CACNB4: variants seen among roughly 807,000 people sequenced by gnomAD.
CACNB4 encodes voltage-dependent L-type calcium channel subunit beta-4.
CACNB4 carries 32 observed loss-of-function variants against 71.2 expected under a neutral mutation model. The observed-to-expected ratio is 0.45, with a 90% CI of 0.34 to 0.60. The LOEUF (loss-of-function observed/expected upper bound fraction) is 0.60, where lower values mean the gene tolerates loss of function less well. Ranked by LOEUF, CACNB4 falls within the 20% of genes least tolerant of loss-of-function variation. The pLI, the probability that CACNB4 is intolerant of heterozygous loss-of-function variation, is 0.01. For synonymous variants in CACNB4, 231 were observed against 236.9 expected (o/e 0.97, Z 0.23); for missense variants, 464 against 647.9 (o/e 0.72, Z 3.08).
intron 2 of CACNB4, among the ~76,000 whole-genome samples, chr2:151,892,717 T>C (rs2151481315): frequency 6.6e-6 from 1 of 152,324 alleles, no homozygotes; most frequent in African/African-American, 2.4e-5. Flanking sequence ...ACCAGTTTTG[T>C]GGTCCTCAGA....
chr2:151,947,457 C>T (rs547129107), intron 2 of CACNB4, among the ~76,000 whole-genome samples: 4 of 152,190 alleles, frequency 2.6e-5, no homozygotes, highest in East Asian at 1.9e-4. Flanking sequence ...GAGTGGGGGA[C>T]GGGATTCTAT....
At chr2:152,009,543 T>A (rs1579119949) in intron 2 of CACNB4, among the ~76,000 whole-genome samples, 1 of 152,340 alleles carries the variant, frequency 6.6e-6, no homozygotes, top group East Asian at 1.9e-4. Flanking sequence ...GAACTCTCTG[T>A]ACCACTGTCA....
chr2:151,887,563 G>T (rs2099849671), intron 2 of CACNB4, among the ~76,000 whole-genome samples: 2 of 152,162 alleles, frequency 1.3e-5, no homozygotes, highest in South Asian at 4.1e-4. Context: ...GAGAAGGAAG[G>T]TGATCTCAAG....
chr2:152,092,156 G>C (rs968348558), intron 2 of CACNB4, among the ~76,000 whole-genome samples: 21 of 152,136 alleles, frequency 1.4e-4, no homozygotes, highest in African/African-American at 4.8e-4. Flanking sequence ...TTGGGCCTAT[G>C]TTTTATTCAT....
intron 2 of CACNB4, among the ~76,000 whole-genome samples, chr2:152,062,206 C>T (rs1027555933): frequency 2.9e-4 from 44 of 151,760 alleles, no homozygotes; most frequent in Admixed American, 2.8e-3. Context: ...TAAACACATG[C>T]TAATACATGG....
chr2:151,857,115 A>G (rs1398772653), intron 10 of CACNB4: 2 of 151,348 alleles, frequency 1.3e-5, no homozygotes, highest in Non-Finnish European at 2.9e-5. Flanking sequence ...TATAAATTCA[A>G]GTTCACATAG....
intron 2 of CACNB4, among the ~76,000 whole-genome samples, chr2:152,005,806 T>A (rs1682689977): frequency 6.6e-6 from 1 of 152,236 alleles, no homozygotes; most frequent in Non-Finnish European, 1.5e-5. Context: ...CACAACCATT[T>A]CGGGCAAGTT....
chr2:152,002,589 C>T (rs1436379880), intron 2 of CACNB4, among the ~76,000 whole-genome samples: 2 of 152,162 alleles, frequency 1.3e-5, no homozygotes, highest in African/African-American at 4.8e-5. Flanking sequence ...TAATTGTTGC[C>T]TTGGTCAAGT....
intron 2 of CACNB4, among the ~76,000 whole-genome samples, chr2:151,951,767 C>T (rs984379240): frequency 1.3e-5 from 2 of 152,184 alleles, no homozygotes; most frequent in African/African-American, 2.4e-5. Context: ...AAAAGACTAA[C>T]GAGGAAGCTG....
At chr2:151,867,929 C>T (rs1159762658) in intron 9 of CACNB4, 1 of 152,182 alleles carries the variant, frequency 6.6e-6, no homozygotes, top group African/African-American at 2.4e-5. Context: ...AATAAGCTTC[C>T]ATTGTGTTTG....
rs116317827 is a variant in CACNB4 at position 151,928,572 on chromosome 2, C to G, written c.148-45202G>C. On this transcript the variant is annotated intron_variant, in intron 2 of 13. Coordinates refer to ENST00000539935, the MANE Select transcript of CACNB4 (RefSeq NM_000726.5). The stretch of plus-strand genomic sequence containing the variant: ...GCCCAAGTAGTCAGAAAGGTAGTTG[C>G]GAAATCAAGCTGTGGATATGCAATC... 8.8e-3 allele frequency among the ~76,000 whole-genome samples: 1,333 copies of G among 152,198 alleles called. 14 individuals are homozygous for G. The highest frequency in any genetic ancestry group is 0.03 in the African/African-American group (1,248 of 41,512).
chr2:151,958,308 A>G lies in CACNB4; in HGVS notation c.148-74938T>C, dbSNP rs116940752. On this transcript the variant is annotated intron_variant, in intron 2 of 13. Transcript: ENST00000539935. ...ATATGAGGATAGGTACAGGCCCGGAACAGATAGAGCCATAACCGATTATTT... is the reference window on the plus strand; with the variant it reads ...ATATGAGGATAGGTACAGGCCCGGAGCAGATAGAGCCATAACCGATTATTT... Among the ~76,000 whole-genome samples the G allele has an allele frequency of 1.3e-4, 20 of 152,332 alleles. No individual in the cohort carries two copies. In the East Asian group the frequency reaches 3.9e-3, roughly 29 times the overall value.
At chr2:151,917,110 AC>A (rs542477504) in intron 2 of CACNB4, among the ~76,000 whole-genome samples, 196 of 152,358 alleles carry the variant, frequency 1.3e-3, no homozygotes, top group Non-Finnish European at 2.3e-3. Context: ...TTCCTTTAAA[AC>A]AAATGCTTCA....
chr2:151,974,076 C>T (rs1039403664), intron 2 of CACNB4: 5 of 541,284 alleles, frequency 9.2e-6, no homozygotes, highest in African/African-American at 2.0e-5. Flanking sequence ...AGCATCCTAC[C>T]CAGCAAAGAG....
intron 2 of CACNB4, chr2:151,973,857 T>C: frequency 6.8e-7 from 1 of 1,475,956 alleles, no homozygotes; most frequent in South Asian, 1.4e-5. Flanking sequence ...GGCAAGATGC[T>C]ATTCATTCAC....
intron 2 of CACNB4, among the ~76,000 whole-genome samples, chr2:151,933,950 C>T (rs1013603660): frequency 1.3e-5 from 2 of 152,182 alleles, no homozygotes; most frequent in African/African-American, 4.8e-5. Flanking sequence ...GCTATAGAAT[C>T]AGAAGCCTGA....
chr2:151,850,186 C>A (rs1394735209), intron 12 of CACNB4: 2 of 138,862 alleles, frequency 1.4e-5, no homozygotes, highest in African/African-American at 5.7e-5. Context: ...GCTCTGTCAC[C>A]CAGGCTGGAG....
intron 5 of CACNB4, 79 bp from the exon 6 acceptor site, chr2:151,872,572 G>T: frequency 1.3e-6 from 1 of 767,172 alleles, no homozygotes; most frequent in Non-Finnish European, 2.2e-6. Context: ...AGCTTTCTTT[G>T]GCCCTCATCC....
At chr2:152,015,291 C>T (rs1033490345) in intron 2 of CACNB4, among the ~76,000 whole-genome samples, 2 of 152,178 alleles carry the variant, frequency 1.3e-5, no homozygotes, top group Non-Finnish European at 2.9e-5. Context: ...CGCCACCATG[C>T]CCAGCTAATT....
Sources: allele counts gnomAD v4.1 joint callset (sites outside exome capture counted in the v4.1 genomes callset), GRCh38; gene constraint gnomAD v4.1.1; transcripts MANE v1.5; gene names NCBI Gene and HGNC (gene_info 2026-07-23, HGNC 2026-07-21).